NCK1: variants seen among roughly 807,000 people sequenced by gnomAD.
The protein encoded by NCK1 is NCK adaptor protein 1.
A neutral mutation model predicts 36.6 loss-of-function variants in NCK1; 19 were observed. That is an observed-to-expected ratio of 0.52 (90% CI 0.36 to 0.76). The LOEUF is 0.76. NCK1 is among the 30% of genes least tolerant of loss of function. The probability of loss-of-function intolerance (pLI) is 0.00; values close to 1 mark genes in which losing one functional copy is unlikely to be tolerated. For synonymous variants in NCK1, 165 were observed against 156.0 expected, an observed-to-expected ratio of 1.06 and a Z score of -0.43; for missense variants, 358 against 445.6, an observed-to-expected ratio of 0.80 and a Z score of 1.77.
intron 1 of NCK1, among the ~76,000 whole-genome samples, chr3:136,865,386 A>G (rs1938385356): frequency 6.6e-6 from 1 of 152,144 alleles, no homozygotes; most frequent in African/African-American, 2.4e-5. Context: ...TGGCTGGCCT[A>G]TATTCATTTT....
chr3:136,890,760 T>C (rs1164103770), intron 1 of NCK1, among the ~76,000 whole-genome samples: 1 of 152,214 alleles, frequency 6.6e-6, no homozygotes, highest in Non-Finnish European at 1.5e-5. Context: ...TTTACCATTT[T>C]AACCATTTTT....
At chr3:136,928,877 A>C (rs1239113959) in intron 2 of NCK1, among the ~76,000 whole-genome samples, 3 of 151,818 alleles carry the variant, frequency 2.0e-5, no homozygotes, top group African/African-American at 7.3e-5. Flanking sequence ...AAAAAAAAAA[A>C]AAAAAAAATT....
intron 2 of NCK1, among the ~76,000 whole-genome samples, chr3:136,937,633 A>C (rs1940567778): frequency 6.6e-6 from 1 of 152,188 alleles, no homozygotes; most frequent in Non-Finnish European, 1.5e-5. Context: ...GGTGTTTTGC[A>C]GTGTTTAGTA....
At chr3:136,931,206 G>T (rs531366269) in intron 2 of NCK1, among the ~76,000 whole-genome samples, 4 of 152,066 alleles carry the variant, frequency 2.6e-5, no homozygotes, top group Admixed American at 2.6e-4. Context: ...TTGAGTTTGG[G>T]TCATGAAGTA....
intron 1 of NCK1, among the ~76,000 whole-genome samples, chr3:136,874,165 C>G (rs953203890): frequency 6.6e-6 from 1 of 152,004 alleles, no homozygotes; most frequent in Non-Finnish European, 1.5e-5. Flanking sequence ...CATTCATTTA[C>G]AGTTTTTTAC....
chr3:136,890,057 C>G (rs9841985), intron 1 of NCK1, among the ~76,000 whole-genome samples: 104,419 of 151,952 alleles, frequency 0.69, 36,126 homozygotes, highest in East Asian at 0.87. Context: ...AGAGGGTGGT[C>G]CTTGTTGGGG....
chr3:136,893,564 T>A (rs1246171455), intron 1 of NCK1, among the ~76,000 whole-genome samples: 1 of 152,184 alleles, frequency 6.6e-6, no homozygotes, highest in Non-Finnish European at 1.5e-5. Flanking sequence ...GTATAGATGG[T>A]GAAGATTTTC....
At chr3:136,891,347 C>T (rs1939239195) in intron 1 of NCK1, among the ~76,000 whole-genome samples, 1 of 152,170 alleles carries the variant, frequency 6.6e-6, no homozygotes, top group Non-Finnish European at 1.5e-5. Context: ...GTTGGTCAGG[C>T]TGGTCTTGAA....
intron 1 of NCK1, among the ~76,000 whole-genome samples, chr3:136,879,045 A>G (rs1938855964): frequency 6.6e-6 from 1 of 152,134 alleles, no homozygotes; most frequent in Non-Finnish European, 1.5e-5. Flanking sequence ...GAAGATAATC[A>G]AGGATCACCA....
At chr3:136,890,304 T>C (rs1196341247) in intron 1 of NCK1, among the ~76,000 whole-genome samples, 1 of 152,020 alleles carries the variant, frequency 6.6e-6, no homozygotes, top group African/African-American at 2.4e-5. Context: ...GTGCGGGGCC[T>C]GCCAAGCCCA....
At chr3:136,892,327 T>G (rs1389440819) in intron 1 of NCK1, among the ~76,000 whole-genome samples, 3 of 152,214 alleles carry the variant, frequency 2.0e-5, no homozygotes, top group Non-Finnish European at 4.4e-5. Flanking sequence ...TTAGTGTCCT[T>G]TCATATACAA....
chr3:136,926,457 A>G (rs543461020), intron 1 of NCK1, among the ~76,000 whole-genome samples: 2 of 151,846 alleles, frequency 1.3e-5, no homozygotes, highest in Admixed American at 6.6e-5. Flanking sequence ...TTGTATTTTT[A>G]GTAGAGACAG....
rs574665356 is a variant in NCK1 at position 136,910,005 on chromosome 3, G to T, written c.-18-17979G>T. ...GTCTCTTACGGATAGCATATATTTAGAATTTTTTTTCTATTCATCTTGCCA... is the reference window on the plus strand; with the variant it reads ...GTCTCTTACGGATAGCATATATTTATAATTTTTTTTCTATTCATCTTGCCA... On this transcript the variant is annotated intron_variant, in intron 1 of 3. Transcript: ENST00000481752. Among the ~76,000 whole-genome samples, 5 of 152,158 alleles carry T rather than the reference G, an allele frequency of 3.3e-5. No individual in the cohort carries two copies. In the South Asian group the frequency reaches 8.3e-4, roughly 25 times the overall value.
intron 2 of NCK1, chr3:136,930,721 A>C (rs1165896836): frequency 5.7e-6 from 4 of 698,332 alleles, no homozygotes; most frequent in Non-Finnish European, 8.0e-6. Context: ...ATGTGTATGT[A>C]ATATAAACCA....
chr3:136,941,885 C>A (rs1370708939), intron 2 of NCK1, among the ~76,000 whole-genome samples: 1 of 152,150 alleles, frequency 6.6e-6, no homozygotes, highest in Non-Finnish European at 1.5e-5. Context: ...GTCTCCCAGG[C>A]TGGAGTACAG....
chr3:136,889,953 A>G (rs1056764343), intron 1 of NCK1, among the ~76,000 whole-genome samples: 1 of 152,168 alleles, frequency 6.6e-6, no homozygotes, highest in Non-Finnish European at 1.5e-5. Flanking sequence ...TGGATCCCGC[A>G]CAGGGGTTGC....
At chr3:136,893,197 C>CACACACACACACACCAT (rs1433214410) in intron 1 of NCK1, among the ~76,000 whole-genome samples, 1 of 118,450 alleles carries the variant, frequency 8.4e-6, no homozygotes, top group African/African-American at 3.4e-5. Flanking sequence ...TATATACACA[C>CACACACACACACACCAT]ATGTGCAAGT....
chr3:136,881,985 C>T (rs1938954248), intron 1 of NCK1, among the ~76,000 whole-genome samples: 1 of 152,156 alleles, frequency 6.6e-6, no homozygotes, highest in Admixed American at 6.5e-5. Context: ...TTTCCATGAA[C>T]ATGGGTGTAG....
chr3:136,880,655 T>G (rs1468370572), intron 1 of NCK1, among the ~76,000 whole-genome samples: 2 of 152,124 alleles, frequency 1.3e-5, no homozygotes, highest in Non-Finnish European at 2.9e-5. Flanking sequence ...TTGAGGCAGG[T>G]TCTTGCTCTG....
Sources: gnomAD v4.1 joint callset for allele counts (sites outside exome capture counted in the v4.1 genomes callset) on GRCh38, gnomAD v4.1.1 for gene constraint, MANE v1.5 for transcripts, NCBI Gene and HGNC (gene_info 2026-07-23, HGNC 2026-07-21) for gene names.